The following MTA3 variants were observed in gnomAD, a reference collection of about 807,000 sequenced individuals.
The protein encoded by MTA3 is metastasis associated 1 family member 3.
A neutral mutation model predicts 83.5 loss-of-function variants in MTA3; 34 were observed. The observed-to-expected ratio is 0.41, with a 90% CI of 0.31 to 0.54. The LOEUF (loss-of-function observed/expected upper bound fraction) is 0.54. MTA3 is among the 20% of genes least tolerant of loss of function. MTA3 has a pLI of 0.33. For missense variants in MTA3, 761 were observed against 726.4 expected (o/e 1.05, Z -0.55); for synonymous variants, 303 against 252.7 (o/e 1.20, Z -1.89).
At chr2:42,530,464 G>A (rs1675910441) in intron 2 of MTA3, among the ~76,000 whole-genome samples, 1 of 151,250 alleles carries the variant, frequency 6.6e-6, no homozygotes, top group South Asian at 2.1e-4. Flanking sequence ...TCCAGCCTGG[G>A]CGACAGAGCG....
chr2:42,518,226 A>G (rs1169067089), intron 2 of MTA3, among the ~76,000 whole-genome samples: 1 of 152,136 alleles, frequency 6.6e-6, no homozygotes, highest in Non-Finnish European at 1.5e-5. Flanking sequence ...TGCATGCACT[A>G]AGCACCCATA....
chr2:42,520,790 T>C (rs1195036382), intron 2 of MTA3, among the ~76,000 whole-genome samples: 1 of 152,040 alleles, frequency 6.6e-6, no homozygotes, highest in African/African-American at 2.4e-5. Context: ...GGTCTCGAAC[T>C]CCTAGCCTCA....
intron 16 of MTA3, among the ~76,000 whole-genome samples, chr2:42,729,675 T>C (rs889014343): frequency 6.6e-6 from 1 of 152,246 alleles, no homozygotes; most frequent in Non-Finnish European, 1.5e-5. Context: ...GCCAGTACCA[T>C]GCTGTTTTGC....
chr2:42,632,088 T>TG (rs960257624), intron 4 of MTA3, among the ~76,000 whole-genome samples: 6 of 117,772 alleles, frequency 5.1e-5, no homozygotes, highest in Non-Finnish European at 1.0e-4. Flanking sequence ...TCCCAGCTGC[T>TG]GGGTTTTTTT....
Position 42,756,391 on chromosome 2 carries a change from C to T in MTA3, c.*2992C>T, listed in dbSNP as rs538891734. ...TGAAACCCAGTTGGAAGCAGCTGCC[C>T]TGGGAGCCTGGGACAGGCGACCCAC... On this transcript the variant is annotated 3_prime_UTR_variant, in exon 17 of 17. Coordinates refer to ENST00000405094, the MANE Select transcript of MTA3 (RefSeq NM_001330442.2). The T allele has an allele frequency of 7.9e-6, 7 of 891,584 alleles. No homozygotes were observed. In the East Asian group the frequency reaches 3.6e-4, roughly 46 times the overall value. 55.2% of individuals were successfully genotyped at this position (891,584 alleles called of 1,614,324 possible). A position where few individuals can be genotyped will look rare whatever the true frequency, so the allele number is the denominator to read the frequency against.
At chr2:42,640,765 A>G (rs1687624718) in intron 5 of MTA3, among the ~76,000 whole-genome samples, 1 of 152,228 alleles carries the variant, frequency 6.6e-6, no homozygotes, top group South Asian at 2.1e-4. Context: ...TATAAGCAGA[A>G]TATTCCATGG....
intron 9 of MTA3, among the ~76,000 whole-genome samples, chr2:42,692,741 C>T (rs1488879112): frequency 1.3e-5 from 2 of 152,302 alleles, no homozygotes; most frequent in South Asian, 2.1e-4. Flanking sequence ...ATTTTGAATT[C>T]TCTGTCTGAA....
intron 2 of MTA3, chr2:42,533,322 C>T (rs1198192401): frequency 6.6e-6 from 1 of 151,046 alleles, no homozygotes; most frequent in African/African-American, 2.4e-5. Context: ...CTCCTGACCT[C>T]AGGAGATCCG....
At chr2:42,733,303 A>T (rs1257463524) in intron 16 of MTA3, among the ~76,000 whole-genome samples, 1 of 152,204 alleles carries the variant, frequency 6.6e-6, no homozygotes, top group Non-Finnish European at 1.5e-5. Flanking sequence ...GAAGAAACAA[A>T]TGCAGAAACC....
At chr2:42,681,955 C>T (rs779934713) in intron 8 of MTA3, among the ~76,000 whole-genome samples, 4 of 151,782 alleles carry the variant, frequency 2.6e-5, no homozygotes, top group African/African-American at 9.7e-5. Context: ...AGACCTAATC[C>T]TAGTGCTTTG....
chr2:42,524,043 C>A (rs1184604347), intron 2 of MTA3, among the ~76,000 whole-genome samples: 1 of 152,184 alleles, frequency 6.6e-6, no homozygotes, highest in Non-Finnish European at 1.5e-5. Context: ...ATGATTGCCT[C>A]TCCAGAAACA....
At chr2:42,745,824 C>CTTTTTTTTTTTTTT (rs146921280) in intron 16 of MTA3, among the ~76,000 whole-genome samples, 1 of 119,364 alleles carries the variant, frequency 8.4e-6, no homozygotes, top group East Asian at 2.9e-4. Flanking sequence ...AAATAGTCCT[C>CTTTTTTTTTTTTTT]TTTTTTTTGA....
At chr2:42,573,625 C>G (rs1474192839) in intron 2 of MTA3, among the ~76,000 whole-genome samples, 4 of 152,174 alleles carry the variant, frequency 2.6e-5, no homozygotes, top group African/African-American at 9.7e-5. Context: ...ATTCTTCTGC[C>G]TCAGCCTCCC....
chr2:42,597,957 C>T (rs1008832799), intron 3 of MTA3, among the ~76,000 whole-genome samples: 1 of 152,184 alleles, frequency 6.6e-6, no homozygotes, highest in Non-Finnish European at 1.5e-5. Context: ...GTTAGGATTA[C>T]AGGCATGAGC....
intron 2 of MTA3, among the ~76,000 whole-genome samples, chr2:42,523,791 G>A (rs1675539842): frequency 6.6e-6 from 1 of 152,044 alleles, no homozygotes; most frequent in African/African-American, 2.4e-5. Context: ...GGTGGTGCAT[G>A]CCTGTAGCCC....
chr2:42,626,036 G>A (rs1294191499), intron 4 of MTA3, among the ~76,000 whole-genome samples: 5 of 145,628 alleles, frequency 3.4e-5, no homozygotes, highest in East Asian at 2.1e-4. Flanking sequence ...TCTACCTCCC[G>A]GCTTCATGCC....
At chr2:42,685,167 G>A (rs1182505999) in intron 9 of MTA3, among the ~76,000 whole-genome samples, 2 of 152,140 alleles carry the variant, frequency 1.3e-5, no homozygotes, top group Non-Finnish European at 2.9e-5. Flanking sequence ...ATAGAGGCTG[G>A]CATCAGTATC....
intron 2 of MTA3, among the ~76,000 whole-genome samples, chr2:42,576,795 GC>G (rs1265482798): frequency 3.9e-5 from 6 of 152,196 alleles, no homozygotes. Flanking sequence ...TACTCGGGAG[GC>G]TGAGGCAGGA....
chr2:42,700,864 G>A (rs1465465511), intron 11 of MTA3, among the ~76,000 whole-genome samples: 2 of 152,220 alleles, frequency 1.3e-5, no homozygotes, highest in East Asian at 3.9e-4. Context: ...AACTTGGGAA[G>A]CTGAGGCAGG....
Sources: gnomAD v4.1 joint callset for allele counts (sites outside exome capture counted in the v4.1 genomes callset) on GRCh38, gnomAD v4.1.1 for gene constraint, MANE v1.5 for transcripts, NCBI Gene and HGNC (gene_info 2026-07-23, HGNC 2026-07-21) for gene names.